ZMYND11: variants seen among roughly 807,000 people sequenced by gnomAD.
The protein encoded by ZMYND11 is zinc finger MYND domain-containing protein 11.
In ZMYND11, 9 loss-of-function variants were observed where a neutral mutation model predicts 84.9. The ratio of observed to expected loss-of-function variants is 0.11; its 90% CI spans 0.06 to 0.18. The LOEUF is 0.18. Among genes scored for constraint, ZMYND11 ranks in the 10% least tolerant of loss-of-function variants. The pLI, the probability that ZMYND11 is intolerant of heterozygous loss-of-function variation, is 1.00. For missense variants in ZMYND11, 409 were observed against 761.0 expected (o/e 0.54, Z 5.44); for synonymous variants, 250 against 244.1 (o/e 1.02, Z -0.23).
chr10:202,123 A>T (rs1317709676), intron 2 of ZMYND11, among the ~76,000 whole-genome samples: 1 of 152,208 alleles, frequency 6.6e-6, no homozygotes, highest in East Asian at 1.9e-4. Context: ...CCATTGTTAC[A>T]TTTGAGGTAT....
chr10:167,519 T>C lies in ZMYND11; in HGVS notation c.-19-12475T>C, dbSNP rs1001268453. Among the ~76,000 whole-genome samples the C allele has an allele frequency of 2.0e-5, 3 of 152,202 alleles. No individual in the cohort carries two copies. In the East Asian group the frequency reaches 5.8e-4, roughly 29 times the overall value. On this transcript the variant is annotated intron_variant, in intron 1 of 14. Coordinates refer to ENST00000381604, the MANE Select transcript of ZMYND11 (RefSeq NM_001370100.5). ...GGTGAATAGAGAGTTCATAATGACC[T>C]GTTTTGCTATCAGGAACCTTGATCA...
intron 1 of ZMYND11, among the ~76,000 whole-genome samples, chr10:174,522 C>T (rs1382307429): frequency 6.6e-6 from 1 of 151,924 alleles, no homozygotes; most frequent in East Asian, 1.9e-4. Flanking sequence ...TACAGTGGCA[C>T]GTGCTTGTCA....
chr10:183,841 T>C (rs1301333890), intron 2 of ZMYND11, among the ~76,000 whole-genome samples: 1 of 152,186 alleles, frequency 6.6e-6, no homozygotes, highest in African/African-American at 2.4e-5. Context: ...CTGCTTGTTA[T>C]GAACAAGATG....
intron 13 of ZMYND11, 103 bp downstream of exon 13, chr10:248,711 A>G (rs1952718894): frequency 1.4e-6 from 2 of 1,436,994 alleles, no homozygotes; most frequent in South Asian, 2.9e-5. Context: ...TTTTACATGT[A>G]GCCATATAAT....
upstream of ZMYND11, among the ~76,000 whole-genome samples, chr10:131,531 G>C (rs1554749934): frequency 6.6e-6 from 1 of 152,112 alleles, no homozygotes; most frequent in African/African-American, 2.4e-5. Flanking sequence ...TTCTTATACT[G>C]ACAGTTTCTC....
At chr10:251,038 CT>C (rs903594064) in intron 14 of ZMYND11, among the ~76,000 whole-genome samples, 3 of 152,144 alleles carry the variant, frequency 2.0e-5, no homozygotes, top group Non-Finnish European at 2.9e-5. Context: ...ATCAAGAATT[CT>C]TTCTTCCCAA....
At chr10:221,174 C>T (rs764627838) in intron 3 of ZMYND11, 21 bp from the exon 4 acceptor site, 1 of 1,608,774 alleles carries the variant, frequency 6.2e-7, no homozygotes, top group South Asian at 1.1e-5. Context: ...TCATACAAAA[C>T]TATTTTGTAC....
chr10:132,539 G>C (rs1835336393), upstream of ZMYND11, among the ~76,000 whole-genome samples: 1 of 152,042 alleles, frequency 6.6e-6, no homozygotes, highest in Non-Finnish European at 1.5e-5. Context: ...GGAGGCCATG[G>C]GCCAATGAAG....
intron 1 of ZMYND11, among the ~76,000 whole-genome samples, chr10:156,250 G>A (rs1367242967): frequency 6.6e-6 from 1 of 152,188 alleles, no homozygotes; most frequent in African/African-American, 2.4e-5. Context: ...GAGAGAAGCA[G>A]CCCCTGTGCA....
chr10:198,015 T>C, intron 2 of ZMYND11: 1 of 600,588 alleles, frequency 1.7e-6, no homozygotes, highest in Non-Finnish European at 3.0e-6. Context: ...GGTAAGTAAG[T>C]TTTTAAAAAG....
Position 161,913 on chromosome 10 carries a change from G to T in ZMYND11, c.-19-18081G>T, listed in dbSNP as rs572666486. 2.6e-5 allele frequency among the ~76,000 whole-genome samples: 4 copies of T among 152,270 alleles called. No individual in the cohort carries two copies. The South Asian group carries it at 8.3e-4, about 32-fold the overall frequency. ...TTATTCATGTGTTCACTGAAAGAACGCTTTTAATTTCCTTCAAGAACTTTA... is the reference window on the plus strand; with the variant it reads ...TTATTCATGTGTTCACTGAAAGAACTCTTTTAATTTCCTTCAAGAACTTTA... On this transcript the variant is annotated intron_variant, in intron 1 of 14. Coordinates refer to ENST00000381604, the MANE Select transcript of ZMYND11 (RefSeq NM_001370100.5).
chr10:180,172 A>T (rs1390223830), intron 2 of ZMYND11, 44 bp downstream of exon 2: 1 of 1,546,864 alleles, frequency 6.5e-7, no homozygotes, highest in South Asian at 1.2e-5. Context: ...ATGTCGTAGA[A>T]GACTTTGGGG....
chr10:245,082 A>G (rs1951843103), intron 10 of ZMYND11, among the ~76,000 whole-genome samples: 1 of 152,202 alleles, frequency 6.6e-6, no homozygotes, highest in South Asian at 2.1e-4. Flanking sequence ...TCAAAATCTA[A>G]TGGCAAGAAA....
intron 6 of ZMYND11, among the ~76,000 whole-genome samples, chr10:238,427 G>A (rs1358360244): frequency 2.6e-5 from 4 of 151,922 alleles, no homozygotes; most frequent in African/African-American, 9.7e-5. Flanking sequence ...TGTGATCTTG[G>A]CTCACTGCAA....
intron 4 of ZMYND11, among the ~76,000 whole-genome samples, chr10:235,883 G>A (rs978429442): frequency 7.9e-5 from 12 of 152,196 alleles, no homozygotes; most frequent in South Asian, 4.1e-4. Context: ...AACAGTGTAC[G>A]TACGTATAAT....
rs564868322 is a variant in ZMYND11 at position 152,514 on chromosome 10, A to G, written c.-20+16955A>G. ...ATCAATTCAACAAGAAGAGCTAACT[A>G]TCCTAAATATATATGCACCCAATAC... On this transcript the variant is annotated intron_variant, in intron 1 of 14. Transcript: ENST00000381604. 3.3e-3 allele frequency among the ~76,000 whole-genome samples: 496 copies of G among 152,348 alleles called. 5 individuals carry two copies. The highest frequency in any genetic ancestry group is 0.011 in the African/African-American group (449 of 41,572).
At chr10:244,772 G>C (rs953579189) in intron 10 of ZMYND11, among the ~76,000 whole-genome samples, 1 of 152,170 alleles carries the variant, frequency 6.6e-6, no homozygotes, top group African/African-American at 2.4e-5. Flanking sequence ...ATTTTTTGTA[G>C]ATCAGAGAGC....
Position 244,197 on chromosome 10 carries a change from A to G in ZMYND11, c.950+2058A>G, listed in dbSNP as rs996555915. On this transcript the variant is annotated intron_variant, in intron 10 of 14. Transcript: ENST00000381604. ...TGTTTATTTTAAAAAATTTGATACA[A>G]TTATAATCATGAATTTTTAATTATT... Among the ~76,000 whole-genome samples the G allele has an allele frequency of 3.9e-5, 6 of 152,334 alleles. No individual in the cohort carries two copies. In the Middle Eastern group the frequency reaches 0.01, roughly 259 times the overall value.
chr10:248,590 C>T lies in ZMYND11; in HGVS notation c.1482C>T (p.Val494=). 6.2e-7 allele frequency: 1 copy of T among 1,608,898 alleles called. No homozygotes were observed. The stretch of plus-strand genomic sequence containing the variant: ...ACAAGCGGGAGACAGAGCGTGTTGT[C>T]CGAGAAGCTCTGGAGAAGGTAATGC... The part of the protein sequence containing the change: ...SDHKRETERV[V]REALEKLRSE... The change falls in exon 13 of 15, where the codon GTC becomes GTT. Residue 494 remains valine, a synonymous_variant. Coordinates refer to ENST00000381604, the MANE Select transcript of ZMYND11 (RefSeq NM_001370100.5).
Sources: allele counts gnomAD v4.1 joint callset (sites outside exome capture counted in the v4.1 genomes callset), GRCh38; gene constraint gnomAD v4.1.1; transcripts MANE v1.5; gene names NCBI Gene and HGNC (gene_info 2026-07-23, HGNC 2026-07-21).